SNX1: variants seen among roughly 807,000 people sequenced by gnomAD.
SNX1 encodes the protein sorting nexin-1.
In SNX1, 36 loss-of-function variants were observed where a neutral mutation model predicts 71.8. The observed-to-expected ratio is 0.50, with a 90% confidence interval of 0.38 to 0.66. The LOEUF is 0.66. SNX1 is among the 30% of genes least tolerant of loss of function. The pLI is 0.00. For missense variants in SNX1, 612 were observed against 646.7 expected (o/e 0.95, Z 0.58); for synonymous variants, 254 against 240.7 (o/e 1.06, Z -0.51).
intron 1 of SNX1, among the ~76,000 whole-genome samples, chr15:64,102,316 T>TA (rs2080970494): frequency 6.6e-6 from 1 of 152,200 alleles, no homozygotes; most frequent in Non-Finnish European, 1.5e-5. Context: ...GGTATTTTGA[T>TA]ATCTGTATAC....
At position 64,142,705 on chromosome 15, in the gene SNX1, CA is replaced by C. The variant is rs1567338420; in HGVS notation, c.*5088del. On this transcript the variant is annotated 3_prime_UTR_variant, in exon 15 of 15. Coordinates refer to ENST00000559844, the MANE Select transcript of SNX1 (RefSeq NM_003099.5). ...GAACCTGCTTTCCCCTTGGCTAGTT[CA>C]GCGTTTGGGCTCCGGAGTGCTGAAG... 2.2e-6 allele frequency: 1 copy of C among 456,026 alleles called. No individual in the cohort carries two copies. The highest frequency in any genetic ancestry group is 4.4e-6 in the Non-Finnish European group (1 of 226,786). 28.2% of individuals were successfully genotyped at this position (456,026 alleles called of 1,614,324 possible).
At chr15:64,123,718 G>A (rs929838559) in intron 5 of SNX1, among the ~76,000 whole-genome samples, 172 bp downstream of exon 5, 3 of 152,150 alleles carry the variant, frequency 2.0e-5, no homozygotes, top group African/African-American at 7.2e-5. Context: ...GGGTACTCCA[G>A]ACTGAGTCTT....
At position 64,097,742 on chromosome 15, in the gene SNX1, A is replaced by G. The variant is rs569773204; in HGVS notation, c.159+1570A>G. Among the ~76,000 whole-genome samples, 10 of 152,336 alleles carry G rather than the reference A, an allele frequency of 6.6e-5. No individual in the cohort carries two copies. In the East Asian group the frequency reaches 1.2e-3, roughly 18 times the overall value. On this transcript the variant is annotated intron_variant, in intron 1 of 14. Coordinates refer to ENST00000559844, the MANE Select transcript of SNX1 (RefSeq NM_003099.5). ...AGGTTGTTCCAGGCTGTAAAATTCA[A>G]TGCTGGGTCTGTGAATTTATCTGTT...
At position 64,118,212 on chromosome 15, in the gene SNX1, A is replaced by G. The variant is rs1306118042; in HGVS notation, c.367A>G (p.Asn123Asp). 7 of 1,613,374 alleles carry G rather than the reference A, an allele frequency of 4.3e-6. No homozygotes were observed. The highest frequency in any genetic ancestry group is 5.9e-6 in the Non-Finnish European group (7 of 1,179,830). The change falls in exon 3 of 15, where the codon AAT (asparagine) becomes GAT (aspartate). Residue 123 changes from asparagine (N) to aspartate (D), a missense_variant. Physicochemically the swap from Asn to Asp is conservative, Grantham distance 23 (BLOSUM62 1). This residue lies in a region of SNX1 where 316 missense variants were observed against 284.9 expected (regional missense o/e 1.11). Coordinates refer to ENST00000559844, the MANE Select transcript of SNX1 (RefSeq NM_003099.5). Reference sequence around the variant, plus strand: ...TTCTCTTCCTCCTCAGGAAGCCACAAATTCTTCGAAGCCCCAGCCAACCTA... The same window carrying G: ...TTCTCTTCCTCCTCAGGAAGCCACAGATTCTTCGAAGCCCCAGCCAACCTA... ...LISLPPQEAT[N>D]SSKPQPTYEE...
chr15:64,096,280 C>A, intron 1 of SNX1, 108 bp downstream of exon 1: 1 of 1,345,610 alleles, frequency 7.4e-7, no homozygotes, highest in Non-Finnish European at 9.9e-7. Flanking sequence ...GAGACCTTGC[C>A]TCGGTGTCAG....
Position 64,136,236 on chromosome 15 carries a change from T to C in SNX1, c.1366-94T>C, listed in dbSNP as rs891360929. 8 of 917,014 alleles carry C rather than the reference T, an allele frequency of 8.7e-6. No homozygotes were observed. In the East Asian group the frequency reaches 9.7e-5, roughly 11 times the overall value. 56.8% of individuals were successfully genotyped at this position (917,014 alleles called of 1,614,324 possible). ...AGGGACAGACAGACATAATGATCAA[T>C]TGAGCCCTCATATGTAAAATCGCTG... is the stretch of plus-strand genomic sequence containing the variant. On this transcript the variant is annotated intron_variant, in intron 12 of 14. Transcript: ENST00000559844.
rs1298381619 is a variant in SNX1 at position 64,115,526 on chromosome 15, A to G, written c.272-2591A>G. 1.7e-5 allele frequency: 7 copies of G among 405,034 alleles called. 1 individual carries two copies. Among genetic ancestry groups the G allele is most frequent in the South Asian group, 7.0e-5 (4 of 56,954 alleles). The allele number at this position is 405,034 out of a possible 1,614,324, so 25.1% of individuals were successfully genotyped here. On this transcript the variant is annotated intron_variant, in intron 2 of 14. Coordinates refer to ENST00000559844, the MANE Select transcript of SNX1 (RefSeq NM_003099.5). Reference sequence around the variant, plus strand: ...ATATAAGTTTTGGCATCTTTGTCACATGAATTTCAGTAGAAGATGCACAGC... The same window carrying G: ...ATATAAGTTTTGGCATCTTTGTCACGTGAATTTCAGTAGAAGATGCACAGC...
At position 64,100,499 on chromosome 15, in the gene SNX1, C is replaced by T. The variant is rs771432587; in HGVS notation, c.159+4327C>T. ...CCTGTAATCCCAGCTGCTGTGGAGG[C>T]TGAGGCAAGAGAATCACTTGGCTTG... On this transcript the variant is annotated intron_variant, in intron 1 of 14. Transcript: ENST00000559844. Among the ~76,000 whole-genome samples, 31 of 150,012 alleles carry T rather than the reference C, an allele frequency of 2.1e-4. 1 individual carries two copies. In the South Asian group the frequency reaches 3.9e-3, roughly 19 times the overall value.
At chr15:64,137,014 G>A (rs549938096) in intron 14 of SNX1, 82 bp downstream of exon 14, 16 of 1,088,292 alleles carry the variant, frequency 1.5e-5, no homozygotes, top group Non-Finnish European at 2.2e-5. Flanking sequence ...GCAACAAGAT[G>A]TGCAGGCCCT....
intron 12 of SNX1, among the ~76,000 whole-genome samples, chr15:64,136,035 C>G (rs2081355991): frequency 6.6e-6 from 1 of 152,208 alleles, no homozygotes; most frequent in African/African-American, 2.4e-5. Flanking sequence ...CCTTTCAGCC[C>G]TGCTGGTGAG....
Position 64,129,399 on chromosome 15 carries a change from G to A in SNX1, c.808-517G>A, listed in dbSNP as rs10162981. 0.7 allele frequency among the ~76,000 whole-genome samples: 106,093 copies of A among 152,126 alleles called. 38,156 individuals carry two copies. Among genetic ancestry groups the A allele is most frequent in the East Asian group, 0.81 (4,189 of 5,190 alleles). On this transcript the variant is annotated intron_variant, in intron 8 of 14. Transcript: ENST00000559844. The surrounding 1 kb of genome is among the most constrained non-coding windows in gnomAD (Gnocchi z 4.4). ...ACTGAACAGCAATCAGATTGTTTCT[G>A]AATATTTGGCATGCTTGACTACTAG...
At chr15:64,119,467 C>T (rs969930784) in intron 4 of SNX1, among the ~76,000 whole-genome samples, 1 of 152,168 alleles carries the variant, frequency 6.6e-6, no homozygotes, top group Admixed American at 6.5e-5. Context: ...TGGTGGCTCA[C>T]ACCTGTAATC....
rs779923533 is a variant in SNX1 at position 64,136,929 on chromosome 15, G to C, written c.1515G>C (p.Gln505His). 30 of 1,613,342 alleles carry C rather than the reference G, an allele frequency of 1.9e-5. No individual in the cohort carries two copies. Among genetic ancestry groups the C allele is most frequent in the Non-Finnish European group, 2.5e-5 (29 of 1,179,430 alleles). ...TTGAGACACTCCTTTACTCACAGCA[G>C]CAGGTATGTAAGTTGTGTGTGACCT... ...KYLETLLYSQ[Q>H]QLAKYWEAFL... is the part of the protein sequence containing the mutation. Residue 505 changes from glutamine to histidine, a missense_variant, in exon 14 of 15, where the codon CAG becomes CAC. Transcript: ENST00000559844.
intron 12 of SNX1, among the ~76,000 whole-genome samples, chr15:64,135,297 C>T (rs1306691670): frequency 6.6e-6 from 1 of 150,878 alleles, no homozygotes; most frequent in Non-Finnish European, 1.5e-5. Context: ...TTTTGTACTA[C>T]CGTGTTAGTA....
At position 64,123,367 on chromosome 15, in the gene SNX1, A is replaced by G. The variant is rs1322566486; in HGVS notation, c.467-136A>G. The G allele has an allele frequency of 1.6e-5, 12 of 740,390 alleles. No homozygotes were observed. The Middle Eastern group carries it at 7.2e-4, about 44-fold the overall frequency. The allele number at this position is 740,390 out of a possible 1,614,324, so 45.9% of individuals were successfully genotyped here. A position where few individuals can be genotyped will look rare whatever the true frequency, so the allele number is the denominator to read the frequency against. On this transcript the variant is annotated intron_variant, in intron 4 of 14. Coordinates refer to ENST00000559844, the MANE Select transcript of SNX1 (RefSeq NM_003099.5). The stretch of plus-strand genomic sequence containing the variant: ...TAGGAACTGGATTCTAAGATTGCAT[A>G]TAAAGCTTGGAGATGAAACAAGCAT...
At chr15:64,131,975 T>A (rs999836146) in intron 11 of SNX1, 83 bp downstream of exon 11, 1 of 1,437,736 alleles carries the variant, frequency 7.0e-7, no homozygotes, top group African/African-American at 1.4e-5. Context: ...GACAGTTTCA[T>A]CCCATTATAG....
chr15:64,125,654 A>T (rs72755090), intron 5 of SNX1, among the ~76,000 whole-genome samples: 6,902 of 152,208 alleles, frequency 0.045, 196 homozygotes, highest in South Asian at 0.085. Context: ...CCAAAAAAAA[A>T]TAGTCAATAA....
Position 64,138,210 on chromosome 15 carries a change from G to GT in SNX1, c.*595dup. On this transcript the variant is annotated 3_prime_UTR_variant, in exon 15 of 15. Coordinates refer to ENST00000559844, the MANE Select transcript of SNX1 (RefSeq NM_003099.5). Reference sequence around the variant, plus strand: ...CTACCTGTTCTGAGGGTCTCAATCTGTTTCGTATTCCCACTTCTTTAGGGA... The same window carrying GT: ...CTACCTGTTCTGAGGGTCTCAATCTGTTTTCGTATTCCCACTTCTTTAGGGA... 6.6e-7 allele frequency: 1 copy of GT among 1,511,790 alleles called. No individual in the cohort carries two copies. Among genetic ancestry groups the GT allele is most frequent in the Non-Finnish European group, 8.8e-7 (1 of 1,140,046 alleles). 93.6% of individuals were successfully genotyped at this position (1,511,790 alleles called of 1,614,324 possible). A position where few individuals can be genotyped will look rare whatever the true frequency, so the allele number is the denominator to read the frequency against.
Position 64,123,501 on chromosome 15 carries a change from AG to A in SNX1, c.469del. The A allele has an allele frequency of 6.2e-7, 1 of 1,613,462 alleles. No individual in the cohort carries two copies. On this transcript the variant is annotated splice_acceptor_variant, in intron 4 of 14. Transcript: ENST00000559844. LOFTEE classifies it high-confidence loss of function. The stretch of plus-strand genomic sequence containing the variant: ...ATCTTCTGCTTTCTTGTTCTCTCAC[AG>A]GGGATGGTATGAATGCATATGTAGC...
Sources: allele counts gnomAD v4.1 joint callset (sites outside exome capture counted in the v4.1 genomes callset), GRCh38; gene constraint gnomAD v4.1.1; regional missense constraint gnomAD v4.1.1; non-coding constraint Gnocchi (gnomAD v3.1); transcripts MANE v1.5; gene names NCBI Gene and HGNC (gene_info 2026-07-23, HGNC 2026-07-21).